Variants in SLAIN1 observed in about 807,000 individuals in gnomAD.
SLAIN1 encodes the protein SLAIN family member 1.
A neutral mutation model predicts 55.4 loss-of-function variants in SLAIN1; 17 were observed. The ratio of observed to expected loss-of-function variants is 0.31; its 90% CI spans 0.21 to 0.46. The LOEUF is 0.46. Ranked by LOEUF, SLAIN1 falls within the 20% of genes least tolerant of loss-of-function variation. The pLI, the probability that SLAIN1 is intolerant of heterozygous loss-of-function variation, is 1.00. For synonymous variants in SLAIN1, 348 were observed against 337.4 expected (o/e 1.03, Z -0.35); for missense variants, 682 against 785.1 (o/e 0.87, Z 1.57).
chr13:77,738,274 A>AT (rs1046904208), intron 2 of SLAIN1, among the ~76,000 whole-genome samples: 2 of 151,450 alleles, frequency 1.3e-5, no homozygotes, highest in East Asian at 1.9e-4. Context: ...ATATATATAT[A>AT]TTTTTTTCTC....
At chr13:77,739,799 G>A (rs1234786486) in intron 2 of SLAIN1, among the ~76,000 whole-genome samples, 6 of 151,932 alleles carry the variant, frequency 3.9e-5, no homozygotes, top group African/African-American at 7.2e-5. Context: ...ATTTTATCAC[G>A]GGAGCATTTA....
Position 77,698,580 on chromosome 13 carries a change from G to T in SLAIN1, c.626+41G>T. 1 of 1,362,994 alleles carries T rather than the reference G, an allele frequency of 7.3e-7. No individual in the cohort carries two copies. Among genetic ancestry groups the T allele is most frequent in the South Asian group, 1.8e-5 (1 of 55,752 alleles). 84.4% of individuals were successfully genotyped at this position (1,362,994 alleles called of 1,614,324 possible). ...GCTCCTTCCCCGAGACCCTGGCCTCGGGGGCTTCGGGCACCGGGGAGCGGG... is the reference window on the plus strand; with the variant it reads ...GCTCCTTCCCCGAGACCCTGGCCTCTGGGGCTTCGGGCACCGGGGAGCGGG... On this transcript the variant is annotated intron_variant, in intron 1 of 6. Transcript: ENST00000418532. This position sits in a 1 kb window ranked among gnomAD's most constrained non-coding sequence, Gnocchi z 4.1.
chr13:77,741,413 T>C, intron 2 of SLAIN1: 1 of 987,448 alleles, frequency 1.0e-6, no homozygotes, highest in Non-Finnish European at 1.2e-6. Flanking sequence ...GTGTTCTGGC[T>C]CCGATTGGGA....
At chr13:77,759,471 G>A (rs1270094560) in intron 5 of SLAIN1, among the ~76,000 whole-genome samples, 1 of 152,012 alleles carries the variant, frequency 6.6e-6, no homozygotes, top group African/African-American at 2.4e-5. Context: ...GTGTTATGTT[G>A]ACTAGAAATG....
chr13:77,744,134 T>C, intron 2 of SLAIN1, 149 bp from the exon 3 acceptor site: 2 of 681,494 alleles, frequency 2.9e-6, no homozygotes, highest in Non-Finnish European at 5.4e-6. Flanking sequence ...ACACATGATG[T>C]GCACGTTGAC....
At chr13:77,730,517 G>A (rs979876263) in intron 2 of SLAIN1, among the ~76,000 whole-genome samples, 4 of 152,132 alleles carry the variant, frequency 2.6e-5, no homozygotes, top group Non-Finnish European at 5.9e-5. Flanking sequence ...CCAAGTTCTC[G>A]TGACACTTAA....
chr13:77,707,583 G>C (rs1343795869), intron 1 of SLAIN1, among the ~76,000 whole-genome samples: 1 of 152,076 alleles, frequency 6.6e-6, no homozygotes, highest in African/African-American at 2.4e-5. Flanking sequence ...GCTCTTAATG[G>C]ATGGAGCTCC....
At chr13:77,732,222 A>G (rs757877740) in intron 2 of SLAIN1, among the ~76,000 whole-genome samples, 14 of 152,150 alleles carry the variant, frequency 9.2e-5, no homozygotes, top group Non-Finnish European at 2.1e-4. Flanking sequence ...CTTCCATTCA[A>G]TAACTGACAG....
chr13:77,755,799 C>G (rs1041217861), intron 5 of SLAIN1, among the ~76,000 whole-genome samples: 11 of 151,972 alleles, frequency 7.2e-5, no homozygotes, highest in African/African-American at 2.7e-4. Flanking sequence ...AGAGAAAGCC[C>G]CCAAGAAGAA....
intron 1 of SLAIN1, among the ~76,000 whole-genome samples, chr13:77,712,017 C>T (rs187822326): frequency 1.3e-5 from 2 of 152,270 alleles, no homozygotes; most frequent in East Asian, 3.9e-4. Context: ...AAATTTATCA[C>T]CCTTTCATGC....
intron 4 of SLAIN1, among the ~76,000 whole-genome samples, chr13:77,748,398 CTTTTTTT>C (rs934265928): frequency 0.011 from 851 of 79,562 alleles, 10 homozygotes; most frequent in African/African-American, 0.038. Context: ...TTCTCTAAAG[CTTTTTTT>C]TTTTTTTTTT....
chr13:77,735,353 C>T (rs1873068367), intron 2 of SLAIN1, among the ~76,000 whole-genome samples: 1 of 152,048 alleles, frequency 6.6e-6, no homozygotes, highest in Non-Finnish European at 1.5e-5. Flanking sequence ...TTATGGAAAA[C>T]TGTAGTGAAG....
chr13:77,697,889 G>T lies in SLAIN1; in HGVS notation c.-25G>T, dbSNP rs2090989408. 1.5e-6 allele frequency: 2 copies of T among 1,334,878 alleles called. No homozygotes were observed. The highest frequency in any genetic ancestry group is 1.6e-5 in the African/African-American group (1 of 63,656). 82.7% of individuals were successfully genotyped at this position (1,334,878 alleles called of 1,614,324 possible). A position where few individuals can be genotyped will look rare whatever the true frequency, so the allele number is the denominator to read the frequency against. ...GGCGCGGCGGCGCGCACTCCCCGGCGGCCGCGGCGCCCTCGGGGCCCACGA... is the reference window on the plus strand; with the variant it reads ...GGCGCGGCGGCGCGCACTCCCCGGCTGCCGCGGCGCCCTCGGGGCCCACGA... On this transcript the variant is annotated 5_prime_UTR_variant, in exon 1 of 7. Transcript: ENST00000418532.
At chr13:77,710,845 ACTC>A (rs2091141807) in intron 1 of SLAIN1, among the ~76,000 whole-genome samples, 1 of 152,078 alleles carries the variant, frequency 6.6e-6, no homozygotes, top group Non-Finnish European at 1.5e-5. Flanking sequence ...GAAGTAAAAC[ACTC>A]CTCAGCAAAG....
rs1035912786 is a variant in SLAIN1, at chr13:77,734,576, G to A, written c.767-9707G>A. ...GTAACAACTGAGCAAAGACTAAGTC[G>A]CCATAGTTGTCTAGGTAGATACAGT... On this transcript the variant is annotated intron_variant, in intron 2 of 6. Transcript: ENST00000418532. Among the ~76,000 whole-genome samples the A allele has an allele frequency of 1.3e-4, 20 of 152,250 alleles. 1 individual carries two copies. The highest frequency in any genetic ancestry group is 3.4e-3 in the Middle Eastern group (1 of 294).
At chr13:77,711,882 C>A (rs2154409493) in intron 1 of SLAIN1, among the ~76,000 whole-genome samples, 1 of 152,318 alleles carries the variant, frequency 6.6e-6, no homozygotes, top group East Asian at 1.9e-4. Context: ...CCACCACGGT[C>A]AAGTCGGCTT....
At position 77,719,591 on chromosome 13, in the gene SLAIN1, A is replaced by C; in HGVS notation, c.686A>C (p.Gln229Pro). The C allele has an allele frequency of 6.2e-7, 1 of 1,613,440 alleles. No homozygotes were observed. The highest frequency in any genetic ancestry group is 1.3e-5 in the African/African-American group (1 of 74,990). The part of the protein sequence containing the change: ...TSSEKSLTPL[Q>P]WCRHVLDNPT... ...TCAGAGAAATCCCTGACTCCTTTGC[A>C]GTGGTGTAGACATGTCCTAGATAAC... Residue 229 changes from glutamine to proline, a missense_variant, in exon 2 of 7, where the codon CAG becomes CCG. Physicochemically the swap from Gln to Pro is moderately conservative, Grantham distance 76. This residue lies in a region of SLAIN1 where 401 missense variants were observed against 417.3 expected (regional missense o/e 0.96). Transcript: ENST00000418532.
Position 77,698,378 on chromosome 13 carries a change from C to T in SLAIN1, c.465C>T (p.Gly155=). 1 of 1,426,132 alleles carries T rather than the reference C, an allele frequency of 7.0e-7. No individual in the cohort carries two copies. Among genetic ancestry groups the T allele is most frequent in the Non-Finnish European group, 9.2e-7 (1 of 1,090,192 alleles). The allele number at this position is 1,426,132 out of a possible 1,614,324, so 88.3% of individuals were successfully genotyped here. A position where few individuals can be genotyped will look rare whatever the true frequency, so the allele number is the denominator to read the frequency against. ...TCGTCTACTTCAAGCCGGCAGCAGGCTTCTTCGGCGCGGGCGGTGGCGGGC... is the reference window on the plus strand; with the variant it reads ...TCGTCTACTTCAAGCCGGCAGCAGGTTTCTTCGGCGCGGGCGGTGGCGGGC... ...APFVYFKPAA[G]FFGAGGGGPE... is the part of the protein sequence containing the mutation. Residue 155 remains glycine, a synonymous_variant, in exon 1 of 7, where the codon GGC becomes GGT. Transcript: ENST00000418532. The surrounding 1 kb of genome is among the most constrained non-coding windows in gnomAD (Gnocchi z 4.1).
At chr13:77,717,867 T>C (rs1230134914) in intron 1 of SLAIN1, among the ~76,000 whole-genome samples, 2 of 152,124 alleles carry the variant, frequency 1.3e-5, no homozygotes, top group African/African-American at 4.8e-5. Context: ...TTTAAGTAAT[T>C]TTGAGGCATG....
Sources: gnomAD v4.1 joint callset for allele counts (sites outside exome capture counted in the v4.1 genomes callset) on GRCh38, gnomAD v4.1.1 for gene constraint, gnomAD v4.1.1 regional missense constraint, Gnocchi (gnomAD v3.1) non-coding constraint, MANE v1.5 for transcripts, NCBI Gene and HGNC (gene_info 2026-07-23, HGNC 2026-07-21) for gene names.